Variants in MKNK2 observed in about 807,000 individuals in gnomAD.
MKNK2 encodes the protein MAP kinase-interacting serine/threonine-protein kinase 2.
A neutral mutation model predicts 55.0 loss-of-function variants in MKNK2; 54 were observed. The observed-to-expected ratio is 0.98, with a 90% CI of 0.79 to 1.23. The LOEUF (loss-of-function observed/expected upper bound fraction) is 1.23, where lower values mean the gene tolerates loss of function less well. Among genes scored for constraint, MKNK2 ranks in the 50% most tolerant of loss-of-function variants. The pLI is 0.00. For missense variants in MKNK2, 685 were observed against 632.1 expected (o/e 1.08, Z -0.90); for synonymous variants, 323 against 256.0 (o/e 1.26, Z -2.50).
chr19:2,046,096 A>T (rs2016989340), intron 5 of MKNK2, 90 bp downstream of exon 5: 1 of 1,306,008 alleles, frequency 7.7e-7, no homozygotes, highest in Admixed American at 1.7e-5. Flanking sequence ...CGGCTGTAGG[A>T]CGGACAGCCG....
At chr19:2,049,015 G>C (rs889980180) in intron 2 of MKNK2, among the ~76,000 whole-genome samples, 1 of 152,198 alleles carries the variant, frequency 6.6e-6, no homozygotes, top group African/African-American at 2.4e-5. Flanking sequence ...GGGAGCTCAC[G>C]AGAGTGAAAT....
chr19:2,039,524 C>A lies in MKNK2; in HGVS notation c.*89G>T. On this transcript the variant is annotated 3_prime_UTR_variant, in exon 14 of 14. Coordinates refer to ENST00000250896, the MANE Select transcript of MKNK2 (RefSeq NM_199054.3). ...GGGAATCCAGGCAGAGGAGGGGCAG[C>A]CCGCTGGACACCGGCTGGCGATAGC... The A allele has an allele frequency of 6.7e-7, 1 of 1,481,904 alleles. No homozygotes were observed. The highest frequency in any genetic ancestry group is 9.0e-7 in the Non-Finnish European group (1 of 1,113,422). 91.8% of individuals were successfully genotyped at this position (1,481,904 alleles called of 1,614,324 possible).
Position 2,050,947 on chromosome 19 carries a change from C to G in MKNK2, c.-96G>C, listed in dbSNP as rs929286608. The G allele has an allele frequency of 1.2e-6, 1 of 802,618 alleles. No individual in the cohort carries two copies. The highest frequency in any genetic ancestry group is 1.8e-6 in the Non-Finnish European group (1 of 544,256). The allele number at this position is 802,618 out of a possible 1,614,324, so 49.7% of individuals were successfully genotyped here. On this transcript the variant is annotated splice_region_variant and 5_prime_UTR_variant, in exon 2 of 14. Transcript: ENST00000250896. ...GGCGGGGGGCGGCCGAGGAGGGGAC[C>G]CTGCGGGCGGGAGCAGACAAAGGGA...
chr19:2,042,077 T>C, intron 10 of MKNK2, 43 bp from the exon 11 acceptor site: 3 of 1,436,552 alleles, frequency 2.1e-6, no homozygotes, highest in Non-Finnish European at 2.8e-6. Flanking sequence ...TTTCCCAGCA[T>C]TACGTGGGAA....
intron 11 of MKNK2, 73 bp downstream of exon 11, chr19:2,041,767 G>A: frequency 3.1e-6 from 4 of 1,295,310 alleles, no homozygotes; most frequent in Non-Finnish European, 4.1e-6. Flanking sequence ...AGGTCCCCTG[G>A]GGTTAGGGGG....
Position 2,041,041 on chromosome 19 carries a change from C to T in MKNK2, c.1109G>A (p.Gly370Glu), listed in dbSNP as rs1404058860. The T allele has an allele frequency of 6.2e-7, 1 of 1,613,804 alleles. No homozygotes were observed. The highest frequency in any genetic ancestry group is 1.1e-5 in the South Asian group (1 of 91,080). ...GCCGCCCGTGCGGCTGGTACTCACC[C>T]CCTGAACCCAGGGGTGCTGCAGGAC... is the stretch of plus-strand genomic sequence containing the variant. ...AQVLQHPWVQ[G>E]CAPENTLPTP... Residue 370 changes from glycine to glutamate, a missense_variant and splice_region_variant, in exon 12 of 14, where the codon GGG becomes GAG. Physicochemically the swap from Gly to Glu is moderately conservative, Grantham distance 98 (BLOSUM62 -2). Coordinates refer to ENST00000250896, the MANE Select transcript of MKNK2 (RefSeq NM_199054.3).
At chr19:2,050,663 G>A (rs1478765681) in intron 2 of MKNK2, 138 bp downstream of exon 2, 7 of 739,732 alleles carry the variant, frequency 9.5e-6, no homozygotes, top group South Asian at 5.9e-5. Context: ...CGCACGGCCG[G>A]CCCGGGCAGC....
In MKNK2 at chr19:2,037,951, G is replaced by A; in HGVS notation, c.*1662C>T. The A allele has an allele frequency of 1.4e-6, 2 of 1,390,828 alleles. No individual in the cohort carries two copies. Among genetic ancestry groups the A allele is most frequent in the Non-Finnish European group, 1.9e-6 (2 of 1,060,342 alleles). 86.2% of individuals were successfully genotyped at this position (1,390,828 alleles called of 1,614,324 possible). ...ATTTGCTTGTTCTTTGATACAAAAA[G>A]GCAGAGAATCCCCCGTTACGAAACA... On this transcript the variant is annotated 3_prime_UTR_variant, in exon 14 of 14. Coordinates refer to ENST00000250896, the MANE Select transcript of MKNK2 (RefSeq NM_199054.3).
intron 5 of MKNK2, among the ~76,000 whole-genome samples, chr19:2,045,290 C>CT (rs1410179158): frequency 6.6e-6 from 1 of 152,160 alleles, no homozygotes; most frequent in African/African-American, 2.4e-5. Context: ...GTGTCCCTAT[C>CT]TGTCAAACAA....
At position 2,042,513 on chromosome 19, in the gene MKNK2, CG is replaced by C. The variant is rs866318050; in HGVS notation, c.663del (p.Val222Ter). Reference protein sequence around the residue: ...ILCEHPNQVSPVKICDFDLGS... With the variant: ...ILCEHPNQVSXVKICDFDLGS... Reference sequence around the variant, plus strand: ...CCCAGGTCGAAGTCACAGATCTTCACGGGGGAGACCTGGGAGGGGCCAAAAG... The same window carrying C: ...CCCAGGTCGAAGTCACAGATCTTCACGGGGAGACCTGGGAGGGGCCAAAAG... On this transcript the variant is annotated frameshift_variant, in exon 10 of 14. Coordinates refer to ENST00000250896, the MANE Select transcript of MKNK2 (RefSeq NM_199054.3). LOFTEE classifies it high-confidence loss of function. 1 of 1,595,238 alleles carries C rather than the reference CG, an allele frequency of 6.3e-7. No individual in the cohort carries two copies. Among genetic ancestry groups the C allele is most frequent in the Non-Finnish European group, 8.5e-7 (1 of 1,172,206 alleles).
chr19:2,040,312 G>A (rs1169950795), intron 12 of MKNK2, 135 bp from the exon 13 acceptor site: 1 of 786,544 alleles, frequency 1.3e-6, no homozygotes, highest in Admixed American at 3.2e-5. Flanking sequence ...GTGCACCTGG[G>A]TGCCCCGGGA....
chr19:2,042,343 A>G, intron 10 of MKNK2, 84 bp downstream of exon 10: 4 of 1,249,208 alleles, frequency 3.2e-6, no homozygotes, highest in Non-Finnish European at 4.5e-6. Context: ...CGCGGCCTGG[A>G]GCTGCTGGAT....
Position 2,039,416 on chromosome 19 carries a change from C to A in MKNK2, c.*197G>T. The stretch of plus-strand genomic sequence containing the variant: ...TTTAACCATCCAAAGGAAAAAATAA[C>A]GGGGAGGGGTGGAAACAGGAAAAAA... On this transcript the variant is annotated 3_prime_UTR_variant, in exon 14 of 14. Transcript: ENST00000250896. 1 of 1,401,728 alleles carries A rather than the reference C, an allele frequency of 7.1e-7. No homozygotes were observed. Among genetic ancestry groups the A allele is most frequent in the Admixed American group, 3.0e-5 (1 of 33,672 alleles). The allele number at this position is 1,401,728 out of a possible 1,614,324, so 86.8% of individuals were successfully genotyped here. A position where few individuals can be genotyped will look rare whatever the true frequency, so the allele number is the denominator to read the frequency against.
chr19:2,048,796 A>AT (rs2017052814), intron 2 of MKNK2, among the ~76,000 whole-genome samples: 1 of 150,618 alleles, frequency 6.6e-6, no homozygotes, highest in Admixed American at 6.6e-5. Flanking sequence ...GAGGGAAGGA[A>AT]GGGGGGGGCT....
rs559664322 is a variant in MKNK2 at position 2,038,864 on chromosome 19, C to T, written c.*749G>A. The stretch of plus-strand genomic sequence containing the variant: ...GCCTTGGTGTGGAGGGGAGGGGCAG[C>T]GGCGAGCCCCTGGGGTCAGCTGCAG... On this transcript the variant is annotated 3_prime_UTR_variant, in exon 14 of 14. Transcript: ENST00000250896. 21 of 985,700 alleles carry T rather than the reference C, an allele frequency of 2.1e-5. No individual in the cohort carries two copies. The African/African-American group carries it at 2.8e-4, about 13-fold the overall frequency. 61.1% of individuals were successfully genotyped at this position (985,700 alleles called of 1,614,324 possible).
chr19:2,042,117 G>A (rs1016354408), intron 10 of MKNK2, 83 bp from the exon 11 acceptor site: 1 of 1,307,688 alleles, frequency 7.6e-7, no homozygotes, highest in Non-Finnish European at 1.0e-6. Flanking sequence ...GGTCACCTGC[G>A]CCAGCCGGCT....
At chr19:2,048,844 C>G (rs2017054163) in intron 2 of MKNK2, among the ~76,000 whole-genome samples, 1 of 152,128 alleles carries the variant, frequency 6.6e-6, no homozygotes, top group South Asian at 2.1e-4. Context: ...TCCCATAAGG[C>G]TCCTGTCCAG....
At chr19:2,043,853 A>T (rs1055731587) in intron 5 of MKNK2, among the ~76,000 whole-genome samples, 19 of 152,022 alleles carry the variant, frequency 1.2e-4, no homozygotes, top group Non-Finnish European at 2.4e-4. Context: ...ACACGCCTGT[A>T]ATCCCAACTA....
At chr19:2,047,609 G>A (rs1177407936) in intron 2 of MKNK2, among the ~76,000 whole-genome samples, 1 of 152,094 alleles carries the variant, frequency 6.6e-6, no homozygotes, top group Non-Finnish European at 1.5e-5. Context: ...TCACTAGGCG[G>A]GCTGCCAGCC....
Sources: gnomAD v4.1 joint callset for allele counts (sites outside exome capture counted in the v4.1 genomes callset) on GRCh38, gnomAD v4.1.1 for gene constraint, MANE v1.5 for transcripts, NCBI Gene and HGNC (gene_info 2026-07-23, HGNC 2026-07-21) for gene names.